The following ANAPC15 variants were observed in gnomAD, a reference collection of about 807,000 sequenced individuals.
ANAPC15 encodes anaphase promoting complex subunit 15.
Under a neutral mutation model 19.8 loss-of-function variants are expected in ANAPC15, and 13 were observed. The ratio of observed to expected loss-of-function variants is 0.66; its 90% confidence interval spans 0.43 to 1.04. ANAPC15 has a LOEUF of 1.04. Ranked by LOEUF, ANAPC15 falls within the 50% of genes least tolerant of loss-of-function variation. The pLI, the probability that ANAPC15 is intolerant of heterozygous loss-of-function variation, is 0.00. For synonymous variants in ANAPC15, 45 were observed against 50.7 expected (o/e 0.89, Z 0.47); for missense variants, 88 against 150.3 (o/e 0.59, Z 2.17).
downstream of ANAPC15, chr11:72,107,860 T>C: frequency 6.5e-7 from 1 of 1,531,108 alleles, no homozygotes; most frequent in Non-Finnish European, 8.9e-7. Flanking sequence ...ATTTGAGATA[T>C]CTTTTATCAG....
downstream of ANAPC15, chr11:72,107,302 A>G (rs948507901): frequency 1.7e-6 from 1 of 603,892 alleles, no homozygotes; most frequent in East Asian, 2.8e-5. Context: ...CAATTCCAAG[A>G]TCAGAAATAC....
At chr11:72,110,269 G>A in intron 4 of ANAPC15, 44 bp from the exon 5 acceptor site, 1 of 1,609,308 alleles carries the variant, frequency 6.2e-7, no homozygotes, top group Non-Finnish European at 8.5e-7. Flanking sequence ...GGCCTGCATG[G>A]ACCAGTTCAA....
chr11:72,109,845 C>A lies in ANAPC15; in HGVS notation c.*36G>T, dbSNP rs1946204769. On this transcript the variant is annotated 3_prime_UTR_variant, in exon 6 of 6. Coordinates refer to ENST00000227618, the MANE Select transcript of ANAPC15 (RefSeq NM_014042.3). The stretch of plus-strand genomic sequence containing the variant: ...TGGGATGCAGGGTAGTTTGGGCTGG[C>A]CTGGAATCTCCCTGAGGCCACCCTG... 6.2e-7 allele frequency: 1 copy of A among 1,612,114 alleles called. No homozygotes were observed. Among genetic ancestry groups the A allele is most frequent in the Admixed American group, 1.7e-5 (1 of 60,000 alleles).
downstream of ANAPC15, chr11:72,108,978 G>A: frequency 2.1e-6 from 3 of 1,409,076 alleles, no homozygotes; most frequent in Non-Finnish European, 2.8e-6. Context: ...CACCCAAGCA[G>A]GGACCTCAAA....
At chr11:72,112,141 C>G (rs1591209516) in intron 1 of ANAPC15, 1 of 153,118 alleles carries the variant, frequency 6.5e-6, no homozygotes, top group African/African-American at 2.4e-5. Flanking sequence ...TTTATCTGAC[C>G]GACCCAGGGC....
At position 72,110,150 on chromosome 11, in the gene ANAPC15, TATCCTCATC is replaced by T. The variant is rs1423476716; in HGVS notation, c.247_255del (p.Asp83_Asp85del). 1 of 1,614,092 alleles carries T rather than the reference TATCCTCATC, an allele frequency of 6.2e-7. No individual in the cohort carries two copies. The highest frequency in any genetic ancestry group is 8.5e-7 in the Non-Finnish European group (1 of 1,180,048). On this transcript the variant is annotated inframe_deletion, in exon 5 of 6. Transcript: ENST00000227618. Reference sequence around the variant, plus strand: ...TCATTCATCTCGTCCATGTCCTGCATATCCTCATCATCCTCTGAGTCCTCTTCACTATCC... The same window carrying T: ...TCATTCATCTCGTCCATGTCCTGCATATCCTCTGAGTCCTCTTCACTATCC...
intron 3 of ANAPC15, 68 bp downstream of exon 3, chr11:72,111,089 G>T: frequency 9.9e-7 from 1 of 1,014,640 alleles, no homozygotes; most frequent in Non-Finnish European, 1.4e-6. Flanking sequence ...GTAAGGCTGG[G>T]TCATGGCCCA....
At chr11:72,108,370 CTCT>C (rs1945939669), downstream of ANAPC15, among the ~76,000 whole-genome samples, 1 of 152,202 alleles carries the variant, frequency 6.6e-6, no homozygotes, top group South Asian at 2.1e-4. Flanking sequence ...CTTACTCTGC[CTCT>C]TGTTAGCTAC....
downstream of ANAPC15, chr11:72,109,383 G>A: frequency 2.2e-6 from 1 of 461,640 alleles, no homozygotes; most frequent in Non-Finnish European, 4.3e-6. Flanking sequence ...TAGACGCCCT[G>A]CAGGAATAGC....
chr11:72,112,335 GA>G (rs1412033633), intron 1 of ANAPC15: 2 of 171,050 alleles, frequency 1.2e-5, no homozygotes, highest in Non-Finnish European at 2.6e-5. Flanking sequence ...TTGACCAACA[GA>G]AAGAAAGCAG....
At chr11:72,111,125 A>G (rs2276397) in intron 3 of ANAPC15, 32 bp downstream of exon 3, 128 of 1,224,238 alleles carry the variant, frequency 1.0e-4, no homozygotes, top group African/African-American at 4.0e-4. Flanking sequence ...GTCTGTGCTG[A>G]GGTCTCTGTG....
Position 72,111,482 on chromosome 11 carries a change from C to T in ANAPC15, c.-81G>A. On this transcript the variant is annotated 5_prime_UTR_variant, in exon 2 of 6. Transcript: ENST00000227618. ...GGCTGAGTCACTTAACCTCTCTGAGCCTCAGTGTCTTCATCTGTAAAATGG... is the reference window on the plus strand; with the variant it reads ...GGCTGAGTCACTTAACCTCTCTGAGTCTCAGTGTCTTCATCTGTAAAATGG... 3.8e-6 allele frequency: 2 copies of T among 522,538 alleles called. No individual in the cohort carries two copies. The highest frequency in any genetic ancestry group is 4.6e-5 in the South Asian group (2 of 43,868). The allele number at this position is 522,538 out of a possible 1,614,324, so 32.4% of individuals were successfully genotyped here.
rs373824052 is a variant in ANAPC15 at position 72,111,273 on chromosome 11, A to G, written c.4T>C (p.Ser2Pro). The stretch of plus-strand genomic sequence containing the variant: ...GGGAAGAGTGAGGGGAACAAAGTGG[A>G]CATGGCTCCTAGACTGAGGGAAAGG... M[S>P]TLFPSLFPRV... is the part of the protein sequence containing the mutation. Residue 2 changes from serine to proline, a missense_variant, in exon 3 of 6, where the codon TCC becomes CCC. Physicochemically the swap from Ser to Pro is moderately conservative, Grantham distance 74. Transcript: ENST00000227618. The G allele has an allele frequency of 2.5e-6, 4 of 1,612,028 alleles. No homozygotes were observed. The highest frequency in any genetic ancestry group is 3.4e-6 in the Non-Finnish European group (4 of 1,178,200).
chr11:72,109,683 C>A lies in ANAPC15; in HGVS notation c.*198G>T. ...CCAGGAAGGTGGAGTAGGTTTCAGG[C>A]CCTGGGGATTTCAAGTGCAGACTGA... On this transcript the variant is annotated 3_prime_UTR_variant, in exon 6 of 6. Transcript: ENST00000227618. The A allele has an allele frequency of 1.5e-6, 1 of 647,268 alleles. No homozygotes were observed. Among genetic ancestry groups the A allele is most frequent in the Non-Finnish European group, 2.7e-6 (1 of 367,970 alleles). 40.1% of individuals were successfully genotyped at this position (647,268 alleles called of 1,614,324 possible).
chr11:72,108,108 G>C (rs1484990067), downstream of ANAPC15: 26 of 1,520,074 alleles, frequency 1.7e-5, no homozygotes, highest in Non-Finnish European at 2.3e-5. Flanking sequence ...GGCCGGCTTT[G>C]ATGAGCACAT....
downstream of ANAPC15, chr11:72,108,542 T>TG (rs1278895934): frequency 5.1e-6 from 7 of 1,385,768 alleles, no homozygotes; most frequent in African/African-American, 8.7e-5. Flanking sequence ...CAGATCCTGG[T>TG]GGGGTCTTGA....
rs768617478 is a variant in ANAPC15 at position 72,110,564 on chromosome 11, T to C, written c.160A>G (p.Ile54Val). The change falls in exon 4 of 6, where the codon ATT becomes GTT. Residue 54 changes from isoleucine to valine, a missense_variant. By Grantham distance (29) the Ile-to-Val change is conservative (BLOSUM62 3). Coordinates refer to ENST00000227618, the MANE Select transcript of ANAPC15 (RefSeq NM_014042.3). ...CTCACCTCTGAGGCTGGCTTGCCAA[T>C]AGGAACCAGGTTGTTGTCTTTCTCC... The part of the protein sequence containing the change: ...IAEKDNNLVP[I>V]GKPASEHYDD... 8.7e-6 allele frequency: 14 copies of C among 1,614,042 alleles called. No individual in the cohort carries two copies. The highest frequency in any genetic ancestry group is 6.7e-5 in the African/African-American group (5 of 74,898).
intron 2 of ANAPC15, 34 bp from the exon 3 acceptor site, chr11:72,111,320 T>C: frequency 1.3e-6 from 2 of 1,505,136 alleles, no homozygotes; most frequent in Non-Finnish European, 1.8e-6. Flanking sequence ...GTGTTTTGCT[T>C]TGTTTTTGTT....
At position 72,109,768 on chromosome 11, in the gene ANAPC15, C is replaced by T; in HGVS notation, c.*113G>A. The T allele has an allele frequency of 7.4e-7, 1 of 1,352,264 alleles. No individual in the cohort carries two copies. The highest frequency in any genetic ancestry group is 1.1e-6 in the Non-Finnish European group (1 of 948,078). 83.8% of individuals were successfully genotyped at this position (1,352,264 alleles called of 1,614,324 possible). On this transcript the variant is annotated 3_prime_UTR_variant, in exon 6 of 6. Coordinates refer to ENST00000227618, the MANE Select transcript of ANAPC15 (RefSeq NM_014042.3). ...CAGCAGCTGAGGAGGTGCCCAAGGGCACTTTCAGGCACTGGGGCCATCAGC... is the reference window on the plus strand; with the variant it reads ...CAGCAGCTGAGGAGGTGCCCAAGGGTACTTTCAGGCACTGGGGCCATCAGC...
Sources: gnomAD v4.1 joint callset for allele counts (sites outside exome capture counted in the v4.1 genomes callset) on GRCh38, gnomAD v4.1.1 for gene constraint, MANE v1.5 for transcripts, NCBI Gene and HGNC (gene_info 2026-07-23, HGNC 2026-07-21) for gene names.